The following F3 variants were observed in gnomAD, a reference collection of about 807,000 sequenced individuals.
The protein encoded by F3 is tissue factor.
Under a neutral mutation model 33.5 loss-of-function variants are expected in F3, and 18 were observed. The ratio of observed to expected loss-of-function variants is 0.54; its 90% CI spans 0.37 to 0.80. The LOEUF (loss-of-function observed/expected upper bound fraction) is 0.80. Among genes scored for constraint, F3 ranks in the 30% least tolerant of loss-of-function variants. F3 has a pLI of 0.00. For missense variants in F3, 353 were observed against 362.1 expected, an observed-to-expected ratio of 0.97 and a Z score of 0.20; for synonymous variants, 147 against 140.7, an observed-to-expected ratio of 1.05 and a Z score of -0.32.
intron 5 of F3, among the ~76,000 whole-genome samples, chr1:94,531,546 C>G (rs140871959): frequency 6.6e-6 from 1 of 152,298 alleles, no homozygotes; most frequent in East Asian, 1.9e-4. Context: ...AAGTGATTTG[C>G]CTGTCTGGGC....
Position 94,536,152 on chromosome 1 carries a change from T to C in F3, c.225A>G (p.Gly75=), listed in dbSNP as rs774211895. Residue 75 remains glycine, a synonymous_variant, in exon 3 of 6, where the codon GGA becomes GGG. Transcript: ENST00000334047. ...TGTAAAAGCATTTGCTTTTCCAATC[T>C]CCTGACTTAGTGCTAAAGAAAGAAA... The part of the protein sequence containing the change: ...VYTVQISTKS[G]DWKSKCFYTT... 2 of 1,614,018 alleles carry C rather than the reference T, an allele frequency of 1.2e-6. No individual in the cohort carries two copies. Among genetic ancestry groups the C allele is most frequent in the Admixed American group, 3.3e-5 (2 of 60,028 alleles).
At chr1:94,531,144 G>C (rs561772332) in intron 5 of F3, among the ~76,000 whole-genome samples, 3 of 152,186 alleles carry the variant, frequency 2.0e-5, no homozygotes, top group Non-Finnish European at 4.4e-5. Flanking sequence ...ACTGAAGGCT[G>C]TGGGTAGGAT....
intron 2 of F3, among the ~76,000 whole-genome samples, chr1:94,538,876 G>T (rs1167962137): frequency 6.6e-6 from 1 of 152,172 alleles, no homozygotes; most frequent in African/African-American, 2.4e-5. Flanking sequence ...GAGTCGGCTG[G>T]CATCCCCCAA....
chr1:94,529,244 T>G lies in F3; in HGVS notation c.*1216A>C, dbSNP rs1478918365. On this transcript the variant is annotated 3_prime_UTR_variant, in exon 6 of 6. Coordinates refer to ENST00000334047, the MANE Select transcript of F3 (RefSeq NM_001993.5). Reference sequence around the variant, plus strand: ...AGCCACTGACAATTTTACAGTCATTTACTGTAGTAGAGCTAATACAAACAC... The same window carrying G: ...AGCCACTGACAATTTTACAGTCATTGACTGTAGTAGAGCTAATACAAACAC... The G allele has an allele frequency of 6.6e-6, 1 of 152,650 alleles. No individual in the cohort carries two copies. Among genetic ancestry groups the G allele is most frequent in the Non-Finnish European group, 1.5e-5 (1 of 68,038 alleles). 9.5% of individuals were successfully genotyped at this position (152,650 alleles called of 1,614,324 possible). A position where few individuals can be genotyped will look rare whatever the true frequency, so the allele number is the denominator to read the frequency against.
intron 2 of F3, among the ~76,000 whole-genome samples, chr1:94,536,677 G>C (rs757002412): frequency 5.3e-5 from 8 of 152,140 alleles, no homozygotes; most frequent in Non-Finnish European, 1.0e-4. Context: ...AGAAAGAGCA[G>C]TTTTCCATCA....
At chr1:94,530,740 A>T in intron 5 of F3, 144 bp from the exon 6 acceptor site, 1 of 954,114 alleles carries the variant, frequency 1.0e-6, no homozygotes, top group Non-Finnish European at 1.6e-6. Context: ...CACTTACATT[A>T]GGAAAGAATT....
At chr1:94,539,774 AT>A (rs1651718375) in intron 2 of F3, among the ~76,000 whole-genome samples, 1 of 152,164 alleles carries the variant, frequency 6.6e-6, no homozygotes, top group African/African-American at 2.4e-5. Context: ...AAGATCATGT[AT>A]TCTACCAGAT....
At chr1:94,531,997 C>G (rs982930435) in intron 5 of F3, among the ~76,000 whole-genome samples, 2 of 152,184 alleles carry the variant, frequency 1.3e-5, no homozygotes, top group Non-Finnish European at 2.9e-5. Context: ...CCAGGGAAAT[C>G]TGTGACTTGT....
At chr1:94,538,960 C>A (rs1234707264) in intron 2 of F3, among the ~76,000 whole-genome samples, 1 of 152,148 alleles carries the variant, frequency 6.6e-6, no homozygotes, top group African/African-American at 2.4e-5. Flanking sequence ...TTATAAAGTT[C>A]AAGAACTTAC....
In F3 at chr1:94,532,426, T is replaced by C; in HGVS notation, c.646A>G (p.Asn216Asp). The C allele has an allele frequency of 6.2e-7, 1 of 1,614,220 alleles. No homozygotes were observed. Among genetic ancestry groups the C allele is most frequent in the South Asian group, 1.1e-5 (1 of 91,076 alleles). The part of the protein sequence containing the change: ...EFLIDVDKGE[N>D]YCFSVQAVIP... ...ACTGCTTGAACACTGAAACAGTAGT[T>C]TTCTCCTTTATCCACATCAATCAAA... The change falls in exon 5 of 6, where the codon AAC (asparagine) becomes GAC (aspartate). Residue 216 changes from asparagine (N) to aspartate (D), a missense_variant. Asn to Asp is a conservative substitution (Grantham distance 23). Transcript: ENST00000334047.
chr1:94,532,617 TG>T, intron 4 of F3, 137 bp from the exon 5 acceptor site: 3 of 905,904 alleles, frequency 3.3e-6, no homozygotes, highest in Non-Finnish European at 5.0e-6. Context: ...GGATTAGAAG[TG>T]ACTTCGCTAA....
In F3 at chr1:94,532,237, C is replaced by A. The variant is rs117155755; in HGVS notation, c.751+84G>T. The A allele has an allele frequency of 7.4e-6, 10 of 1,353,358 alleles. No homozygotes were observed. In the East Asian group the frequency reaches 2.4e-4, roughly 33 times the overall value. The allele number at this position is 1,353,358 out of a possible 1,614,324, so 83.8% of individuals were successfully genotyped here. ...TGAATATTTAACCAAGGAAGTATAT[C>A]CCAGCCCTGAGGGTGGAGCTACTCC... is the stretch of plus-strand genomic sequence containing the variant. On this transcript the variant is annotated intron_variant, in intron 5 of 5. Transcript: ENST00000334047.
Position 94,532,348 on chromosome 1 carries a change from T to C in F3, c.724A>G (p.Met242Val). Residue 242 changes from methionine (M) to valine (V), a missense_variant, in exon 5 of 6, where the codon ATG becomes GTG. Physicochemically the swap from Met to Val is conservative, Grantham distance 21. Transcript: ENST00000334047. ...RKSTDSPVEC[M>V]GQEKGEFREI... is the part of the protein sequence containing the mutation. ...CTGAATTCCCCTTTCTCCTGGCCCA[T>C]ACACTCTACCGGGCTGTCTGTACTC... The C allele has an allele frequency of 3.1e-6, 5 of 1,614,146 alleles. No individual in the cohort carries two copies. Among genetic ancestry groups the C allele is most frequent in the South Asian group, 1.1e-5 (1 of 91,074 alleles).
At chr1:94,532,293 C>T in intron 5 of F3, 28 bp downstream of exon 5, 1 of 1,611,504 alleles carries the variant, frequency 6.2e-7, no homozygotes, top group African/African-American at 1.3e-5. Flanking sequence ...CCCATACCCC[C>T]AGGCAAATGG....
chr1:94,536,763 A>G (rs1473959454), intron 2 of F3, among the ~76,000 whole-genome samples: 1 of 152,174 alleles, frequency 6.6e-6, no homozygotes, highest in Non-Finnish European at 1.5e-5. Context: ...ATAATGTTCT[A>G]TATTCTATGT....
chr1:94,536,410 G>A (rs1557702108), intron 2 of F3, among the ~76,000 whole-genome samples: 1 of 152,290 alleles, frequency 6.6e-6, no homozygotes, highest in East Asian at 1.9e-4. Flanking sequence ...ATGTACAGGT[G>A]TGAGCCATCA....
At chr1:94,540,424 A>T in intron 1 of F3, 56 bp from the exon 2 acceptor site, 1 of 1,191,208 alleles carries the variant, frequency 8.4e-7, no homozygotes, top group Non-Finnish European at 1.2e-6. Context: ...ACTCGAATGT[A>T]TTGATGTATA....
At position 94,533,711 on chromosome 1, in the gene F3, T is replaced by G. The variant is rs571652488; in HGVS notation, c.413-443A>C. 4.6e-5 allele frequency among the ~76,000 whole-genome samples: 7 copies of G among 152,174 alleles called. 1 individual carries two copies. In the South Asian group the frequency reaches 1.5e-3, roughly 32 times the overall value. On this transcript the variant is annotated intron_variant, in intron 3 of 5. Transcript: ENST00000334047. Reference sequence around the variant, plus strand: ...CTGCCGTGGCCCCTGCTCTTCCTCCTCCTCCTCCTCCTCAGCCTACTCAAC... The same window carrying G: ...CTGCCGTGGCCCCTGCTCTTCCTCCGCCTCCTCCTCCTCAGCCTACTCAAC...
intron 3 of F3, 120 bp downstream of exon 3, chr1:94,535,845 C>T: frequency 1.1e-6 from 1 of 909,804 alleles, no homozygotes; most frequent in Non-Finnish European, 1.7e-6. Flanking sequence ...TGATACATAC[C>T]AGTTTCTGAG....
Sources: gnomAD v4.1 joint callset for allele counts (sites outside exome capture counted in the v4.1 genomes callset) on GRCh38, gnomAD v4.1.1 for gene constraint, MANE v1.5 for transcripts, NCBI Gene and HGNC (gene_info 2026-07-23, HGNC 2026-07-21) for gene names.